JMJD1C: variants seen among roughly 807,000 people sequenced by gnomAD.
The protein encoded by JMJD1C is jumonji domain containing 1C.
A neutral mutation model predicts 245.3 loss-of-function variants in JMJD1C; 31 were observed. That is an observed-to-expected ratio of 0.13 (90% CI 0.09 to 0.17). The LOEUF is 0.17. JMJD1C is among the 10% of genes least tolerant of loss of function. JMJD1C has a pLI of 1.00. For synonymous variants in JMJD1C, 1,057 were observed against 1,017.4 expected (o/e 1.04, Z -0.74); for missense variants, 2,691 against 3,000.2 (o/e 0.90, Z 2.41).
intron 1 of JMJD1C, among the ~76,000 whole-genome samples, chr10:63,443,250 G>A (rs1183024331): frequency 6.6e-6 from 1 of 152,072 alleles, no homozygotes; most frequent in African/African-American, 2.4e-5. Flanking sequence ...CCTCTCTCAG[G>A]GTGTCACCCT....
intron 2 of JMJD1C, among the ~76,000 whole-genome samples, chr10:63,361,679 C>A (rs1945337709): frequency 7.3e-6 from 1 of 136,298 alleles, no homozygotes; most frequent in Admixed American, 8.1e-5. Flanking sequence ...GACTGTGCCG[C>A]TGGACTCCAG....
Position 63,414,029 on chromosome 10 carries a change from C to T in JMJD1C, c.169-33547G>A, listed in dbSNP as rs541270632. On this transcript the variant is annotated intron_variant, in intron 1 of 25. Coordinates refer to ENST00000399262, the MANE Select transcript of JMJD1C (RefSeq NM_032776.3). ...TGACACGGAGTCTTGCACTGTCGAC[C>T]AGGCTGGAGTGCAGTGGTGCGATCT... is the stretch of plus-strand genomic sequence containing the variant. 2.1e-3 allele frequency among the ~76,000 whole-genome samples: 311 copies of T among 149,938 alleles called. 2 individuals are homozygous for T. The highest frequency in any genetic ancestry group is 7.3e-3 in the African/African-American group (294 of 40,424).
At chr10:63,453,742 T>A (rs1564936053) in intron 1 of JMJD1C, among the ~76,000 whole-genome samples, 2 of 152,126 alleles carry the variant, frequency 1.3e-5, no homozygotes. Flanking sequence ...TTTTTTTTGT[T>A]TTTTGTTTTG....
intron 13 of JMJD1C, among the ~76,000 whole-genome samples, chr10:63,195,219 G>C (rs969909155): frequency 6.6e-6 from 1 of 152,050 alleles, no homozygotes; most frequent in Non-Finnish European, 1.5e-5. Flanking sequence ...CAGGTGTGGT[G>C]ACACATGCCT....
rs1165184439 is a variant in JMJD1C at position 63,465,389 on chromosome 10, C to A, written c.168+106G>T. The A allele has an allele frequency of 1.1e-5, 13 of 1,194,190 alleles. No homozygotes were observed. The Admixed American group carries it at 2.4e-4, about 22-fold the overall frequency. The allele number at this position is 1,194,190 out of a possible 1,614,324, so 74.0% of individuals were successfully genotyped here. ...AGGGTTCAGCAGAGGGGCGTGACCG[C>A]CAGTTGGCCGGGCTGAGCGAGGCGC... On this transcript the variant is annotated intron_variant, in intron 1 of 25. Transcript: ENST00000399262.
intron 2 of JMJD1C, chr10:63,269,285 C>T: frequency 1.2e-6 from 1 of 831,502 alleles, no homozygotes; most frequent in Non-Finnish European, 1.5e-6. Context: ...TGTAACTAAT[C>T]CCCCGTCACA....
chr10:63,207,640 G>A lies in JMJD1C; in HGVS notation c.4029C>T (p.Leu1343=), dbSNP rs1240715833. The change falls in exon 10 of 26, where the codon CTC becomes CTT. Residue 1343 remains leucine (L), a synonymous_variant. Transcript: ENST00000399262. ...SSAGAHKTDC[L]KLAEAGETGR... is the part of the protein sequence containing the mutation. ...CAGTTTCTCCGGCTTCTGCTAGTTT[G>A]AGGCAATCTGTTTTATGTGCCCCAG... 3.1e-6 allele frequency: 5 copies of A among 1,614,054 alleles called. No individual in the cohort carries two copies. The highest frequency in any genetic ancestry group is 4.2e-6 in the Non-Finnish European group (5 of 1,180,022).
intron 1 of JMJD1C, among the ~76,000 whole-genome samples, chr10:63,385,416 C>CTTTTTTT (rs35450282): frequency 1.9e-5 from 1 of 53,782 alleles, no homozygotes; most frequent in African/African-American, 7.5e-5. Flanking sequence ...CTGCCCCCGC[C>CTTTTTTT]TTTTTTTTTT....
intron 2 of JMJD1C, among the ~76,000 whole-genome samples, chr10:63,364,406 T>G (rs1025399703): frequency 2.0e-5 from 3 of 152,264 alleles, no homozygotes; most frequent in African/African-American, 2.4e-5. Flanking sequence ...ATTCTAAAAA[T>G]GTATTTCTAT....
intron 1 of JMJD1C, among the ~76,000 whole-genome samples, chr10:63,442,246 G>A (rs1038803339): frequency 1.3e-5 from 2 of 152,192 alleles, no homozygotes; most frequent in African/African-American, 4.8e-5. Context: ...GAGAAAAAAC[G>A]CCAACAATTT....
chr10:63,361,719 TAAAAAAAAA>T (rs55879769), intron 2 of JMJD1C, among the ~76,000 whole-genome samples: 53,127 of 100,026 alleles, frequency 0.53, 11,060 homozygotes, highest in South Asian at 0.65. Flanking sequence ...CTGTCTCAAC[TAAAAAAAAA>T]AAAAAAAAAA....
At chr10:63,356,205 T>C (rs1944830177) in intron 2 of JMJD1C, among the ~76,000 whole-genome samples, 1 of 152,154 alleles carries the variant, frequency 6.6e-6, no homozygotes, top group African/African-American at 2.4e-5. Flanking sequence ...TACTGACCAA[T>C]AACTACTTCA....
In JMJD1C at chr10:63,215,125, A is replaced by G; in HGVS notation, c.1042T>C (p.Leu348=). The part of the protein sequence containing the change: ...GENPKGKNKH[L]MNKRRKPEED... ...TCAGGTTTCCTTCTTTTATTCATCA[A>G]GTGTTTGTTTTTACCTTTAGGATTT... Residue 348 remains leucine (L), a synonymous_variant, in exon 8 of 26, where the codon TTG becomes CTG. Transcript: ENST00000399262. 6.4e-7 allele frequency: 1 copy of G among 1,567,474 alleles called. No individual in the cohort carries two copies. The highest frequency in any genetic ancestry group is 8.6e-7 in the Non-Finnish European group (1 of 1,162,566).
chr10:63,420,348 G>A (rs1057132571), intron 1 of JMJD1C, among the ~76,000 whole-genome samples: 2 of 152,040 alleles, frequency 1.3e-5, no homozygotes, highest in Admixed American at 6.6e-5. Flanking sequence ...TGAACACAGT[G>A]TAAGAATAAA....
chr10:63,270,531 A>G (rs1188230993), intron 2 of JMJD1C, among the ~76,000 whole-genome samples: 2 of 151,416 alleles, frequency 1.3e-5, no homozygotes, highest in African/African-American at 2.4e-5. Flanking sequence ...CAGTGGCGCG[A>G]TCTTGGCTCA....
intron 1 of JMJD1C, among the ~76,000 whole-genome samples, chr10:63,450,921 G>GAA (rs71025179): frequency 1.5e-5 from 2 of 137,502 alleles, no homozygotes; most frequent in East Asian, 4.1e-4. Context: ...CACACACACA[G>GAA]AAAAAAAAAA....
At chr10:63,273,692 G>T (rs1856535417) in intron 2 of JMJD1C, among the ~76,000 whole-genome samples, 2 of 152,202 alleles carry the variant, frequency 1.3e-5, no homozygotes, top group South Asian at 4.1e-4. Flanking sequence ...TTTTTTGGCT[G>T]CTAAACCAGG....
chr10:63,277,731 C>CTTTTTTTTGTTTTTTTTTTTTTTT (rs1856945567), intron 2 of JMJD1C, among the ~76,000 whole-genome samples: 1 of 64,262 alleles, frequency 1.6e-5, no homozygotes, highest in African/African-American at 7.1e-5. Context: ...ATTTGCATTT[C>CTTTTTTTTGTTTTTTTTTTTTTTT]TTTTTTTTTT....
chr10:63,320,044 G>A (rs780656997), intron 2 of JMJD1C, among the ~76,000 whole-genome samples: 2 of 152,040 alleles, frequency 1.3e-5, no homozygotes, highest in Non-Finnish European at 2.9e-5. Flanking sequence ...TGGATTACAG[G>A]CATTAGCCAC....
Sources: gnomAD v4.1 joint callset for allele counts (sites outside exome capture counted in the v4.1 genomes callset) on GRCh38, gnomAD v4.1.1 for gene constraint, MANE v1.5 for transcripts, NCBI Gene and HGNC (gene_info 2026-07-23, HGNC 2026-07-21) for gene names.